The following LRFN5 variants were observed in gnomAD, a reference collection of about 807,000 sequenced individuals.
LRFN5 encodes leucine-rich repeat and fibronectin type-III domain-containing protein 5.
Under a neutral mutation model 45.6 loss-of-function variants are expected in LRFN5, and 24 were observed. The observed-to-expected ratio is 0.53, with a 90% CI of 0.38 to 0.74. LRFN5 has a LOEUF of 0.74. Ranked by LOEUF, LRFN5 falls within the 30% of genes least tolerant of loss-of-function variation. The pLI is 0.00. For missense variants in LRFN5, 776 were observed against 861.5 expected, an observed-to-expected ratio of 0.90 and a Z score of 1.24; for synonymous variants, 340 against 313.8, an observed-to-expected ratio of 1.08 and a Z score of -0.88.
chr14:41,824,286 A>T (rs1888220470), intron 2 of LRFN5, among the ~76,000 whole-genome samples: 1 of 152,124 alleles, frequency 6.6e-6, no homozygotes, highest in Non-Finnish European at 1.5e-5. Flanking sequence ...TCATCTGGAG[A>T]AGCTATCACT....
At chr14:41,760,850 G>T (rs917500999) in intron 1 of LRFN5, among the ~76,000 whole-genome samples, 3 of 151,912 alleles carry the variant, frequency 2.0e-5, no homozygotes, top group African/African-American at 7.3e-5. Flanking sequence ...ACATGGTTAG[G>T]GATTAGATGG....
At chr14:41,892,549 G>T in intron 4 of LRFN5, 5 of 975,830 alleles carry the variant, frequency 5.1e-6, no homozygotes, top group Non-Finnish European at 6.1e-6. Flanking sequence ...TTAATAAGTA[G>T]ACTGTATATT....
chr14:41,877,609 A>G (rs1275241249), intron 2 of LRFN5, among the ~76,000 whole-genome samples: 1 of 151,876 alleles, frequency 6.6e-6, no homozygotes, highest in African/African-American at 2.4e-5. Context: ...AATTTATTTC[A>G]TGGTAAAAAT....
intron 2 of LRFN5, among the ~76,000 whole-genome samples, chr14:41,795,079 T>G (rs1476864324): frequency 6.6e-6 from 1 of 152,018 alleles, no homozygotes; most frequent in Non-Finnish European, 1.5e-5. Context: ...GGCAGCTAAA[T>G]AGGTTAAAAT....
At chr14:41,652,365 T>C (rs1436663240) in intron 1 of LRFN5, among the ~76,000 whole-genome samples, 2 of 152,096 alleles carry the variant, frequency 1.3e-5, no homozygotes, top group Non-Finnish European at 2.9e-5. Context: ...CATTGTTAAA[T>C]CAATAAGTCA....
intron 2 of LRFN5, among the ~76,000 whole-genome samples, chr14:41,816,998 G>GT (rs200326943): frequency 0.2 from 26,544 of 129,922 alleles, 2,874 homozygotes; most frequent in African/African-American, 0.23. Context: ...AATGTGGGAA[G>GT]TTTTTTTTTT....
rs532311992 is a variant in LRFN5, at chr14:41,649,448, T to C, written c.-197+40886T>C. On this transcript the variant is annotated intron_variant, in intron 1 of 5. Transcript: ENST00000298119. ...TTAATATTTAGCTGTTAAGATACTA[T>C]AATAAAATGGTATAAGTATAATACA... is the stretch of plus-strand genomic sequence containing the variant. Among the ~76,000 whole-genome samples, 29 of 152,314 alleles carry C rather than the reference T, an allele frequency of 1.9e-4. No individual in the cohort carries two copies. In the South Asian group the frequency reaches 5.6e-3, roughly 29 times the overall value.
At chr14:41,750,873 G>A (rs1885102699) in intron 1 of LRFN5, among the ~76,000 whole-genome samples, 1 of 152,082 alleles carries the variant, frequency 6.6e-6, no homozygotes, top group Non-Finnish European at 1.5e-5. Flanking sequence ...TGCACAACGT[G>A]CAGTTTTGTT....
Position 41,708,529 on chromosome 14 carries a change from G to A in LRFN5, c.-196-58325G>A, listed in dbSNP as rs551370761. Reference sequence around the variant, plus strand: ...CAAATTTCCGTATTTGCTTCATAAAGGTTCTTTTCATGATTGTTCTTCTAA... The same window carrying A: ...CAAATTTCCGTATTTGCTTCATAAAAGTTCTTTTCATGATTGTTCTTCTAA... On this transcript the variant is annotated intron_variant, in intron 1 of 5. Coordinates refer to ENST00000298119, the MANE Select transcript of LRFN5 (RefSeq NM_152447.5). 1.3e-4 allele frequency among the ~76,000 whole-genome samples: 20 copies of A among 151,946 alleles called. 2 individuals carry two copies. The South Asian group carries it at 3.7e-3, about 28-fold the overall frequency.
At position 41,746,571 on chromosome 14, in the gene LRFN5, G is replaced by A. The variant is rs189674678; in HGVS notation, c.-196-20283G>A. Among the ~76,000 whole-genome samples, 191 of 152,086 alleles carry A rather than the reference G, an allele frequency of 1.3e-3. 1 individual carries two copies. Among genetic ancestry groups the A allele is most frequent in the African/African-American group, 4.4e-3 (181 of 41,552 alleles). ...TTTATTTTTATTTCTGATTATCACT[G>A]ATGTTGAACACCTTTTCCTATACCT... On this transcript the variant is annotated intron_variant, in intron 1 of 5. Coordinates refer to ENST00000298119, the MANE Select transcript of LRFN5 (RefSeq NM_152447.5).
chr14:41,728,047 G>A (rs565874398), intron 1 of LRFN5, among the ~76,000 whole-genome samples: 2 of 152,160 alleles, frequency 1.3e-5, no homozygotes, highest in Admixed American at 6.6e-5. Context: ...CTTATTTTCA[G>A]GTTTCTGCTC....
chr14:41,644,543 C>G (rs896602403), intron 1 of LRFN5, among the ~76,000 whole-genome samples: 4 of 152,012 alleles, frequency 2.6e-5, no homozygotes, highest in Non-Finnish European at 5.9e-5. Context: ...ATGTACCACA[C>G]AGTTTGGCAG....
At chr14:41,785,019 A>G (rs1430503526) in intron 2 of LRFN5, among the ~76,000 whole-genome samples, 1 of 152,060 alleles carries the variant, frequency 6.6e-6, no homozygotes, top group Non-Finnish European at 1.5e-5. Flanking sequence ...ATACATCTCA[A>G]TCCTGAAAAT....
chr14:41,627,327 C>A (rs753279415), intron 1 of LRFN5, among the ~76,000 whole-genome samples: 4 of 152,014 alleles, frequency 2.6e-5, no homozygotes, highest in Non-Finnish European at 5.9e-5. Context: ...GAGGTTATTT[C>A]TGGGAAATGA....
intron 2 of LRFN5, among the ~76,000 whole-genome samples, chr14:41,813,913 T>A (rs1319269637): frequency 6.6e-6 from 1 of 152,224 alleles, no homozygotes; most frequent in Non-Finnish European, 1.5e-5. Context: ...TAATGACCAG[T>A]GATGATGAGC....
chr14:41,667,432 C>G (rs1169580450), intron 1 of LRFN5, among the ~76,000 whole-genome samples: 1 of 152,164 alleles, frequency 6.6e-6, no homozygotes, highest in Non-Finnish European at 1.5e-5. Context: ...ATATCTAGCA[C>G]TTGAAATGTG....
chr14:41,900,057 ACT>A (rs1051726774), intron 5 of LRFN5, among the ~76,000 whole-genome samples: 11 of 149,656 alleles, frequency 7.4e-5, no homozygotes, highest in African/African-American at 2.5e-4. Flanking sequence ...TCTACCCATC[ACT>A]CTCTCTCCCT....
chr14:41,613,610 A>G (rs186821134), intron 1 of LRFN5, among the ~76,000 whole-genome samples: 54 of 152,092 alleles, frequency 3.6e-4, no homozygotes, highest in African/African-American at 1.2e-3. Flanking sequence ...TTGATAGAAA[A>G]TGGAATCTAT....
chr14:41,685,396 C>T (rs1034593988), intron 1 of LRFN5, among the ~76,000 whole-genome samples: 1 of 152,064 alleles, frequency 6.6e-6, no homozygotes, highest in Non-Finnish European at 1.5e-5. Flanking sequence ...TTAAAGAAAC[C>T]CACATGCCTA....
Sources: allele counts gnomAD v4.1 joint callset (sites outside exome capture counted in the v4.1 genomes callset), GRCh38; gene constraint gnomAD v4.1.1; transcripts MANE v1.5; gene names NCBI Gene and HGNC (gene_info 2026-07-23, HGNC 2026-07-21).